The following POU6F2 variants were observed in gnomAD, a reference collection of about 807,000 sequenced individuals.
POU6F2 encodes the protein POU class 6 homeobox 2.
Under a neutral mutation model 71.3 loss-of-function variants are expected in POU6F2, and 31 were observed. The ratio of observed to expected loss-of-function variants is 0.43; its 90% CI spans 0.33 to 0.59. POU6F2 has a LOEUF of 0.59. Among genes scored for constraint, POU6F2 ranks in the 20% least tolerant of loss-of-function variants. The pLI is 0.04. For synonymous variants in POU6F2, 347 were observed against 355.7 expected, an observed-to-expected ratio of 0.98 and a Z score of 0.27; for missense variants, 783 against 856.8, an observed-to-expected ratio of 0.91 and a Z score of 1.07.
intron 5 of POU6F2, among the ~76,000 whole-genome samples, chr7:39,378,372 T>C (rs1371651220): frequency 6.6e-6 from 1 of 152,182 alleles, no homozygotes; most frequent in Non-Finnish European, 1.5e-5. Context: ...CATGCTCCCC[T>C]GAATCCCCTC....
intron 5 of POU6F2, among the ~76,000 whole-genome samples, chr7:39,391,741 A>G (rs1787080103): frequency 1.3e-5 from 2 of 152,218 alleles, no homozygotes; most frequent in African/African-American, 2.4e-5. Context: ...CAAAACTGCT[A>G]TGCCAGTTCT....
intron 4 of POU6F2, among the ~76,000 whole-genome samples, chr7:39,240,525 A>G (rs550970216): frequency 2.0e-5 from 3 of 152,144 alleles, no homozygotes; most frequent in African/African-American, 4.8e-5. Context: ...AAGGCCAGAA[A>G]CCAGTTCCTA....
intron 4 of POU6F2, among the ~76,000 whole-genome samples, chr7:39,255,758 G>A (rs1412162137): frequency 1.3e-5 from 2 of 152,166 alleles, no homozygotes; most frequent in East Asian, 1.9e-4. Context: ...CTGAAGCTGA[G>A]GGCCTTCTGG....
At chr7:39,097,658 A>G (rs1216903429) in intron 2 of POU6F2, among the ~76,000 whole-genome samples, 1 of 152,218 alleles carries the variant, frequency 6.6e-6, no homozygotes, top group Non-Finnish European at 1.5e-5. Context: ...GATCCATTCA[A>G]TAAATGTTTG....
Position 39,157,080 on chromosome 7 carries a change from C to A in POU6F2, c.278-47155C>A, listed in dbSNP as rs1792885169. Among the ~76,000 whole-genome samples the A allele has an allele frequency of 2.6e-5, 4 of 152,276 alleles. No individual in the cohort carries two copies. The South Asian group carries it at 8.3e-4, about 32-fold the overall frequency. ...TGTAATCTGTGAATATTGTGTTTTA[C>A]AGCCTGTAAATTAGATATAGAATTG... On this transcript the variant is annotated intron_variant, in intron 2 of 9. Transcript: ENST00000518318.
At chr7:39,293,285 C>T (rs1784795730) in intron 4 of POU6F2, among the ~76,000 whole-genome samples, 1 of 152,034 alleles carries the variant, frequency 6.6e-6, no homozygotes, top group Admixed American at 6.5e-5. Flanking sequence ...GAGGTGTTTC[C>T]GGGCTGTGTG....
At chr7:39,262,066 G>T (rs2128754733) in intron 4 of POU6F2, among the ~76,000 whole-genome samples, 1 of 152,268 alleles carries the variant, frequency 6.6e-6, no homozygotes, top group African/African-American at 2.4e-5. Context: ...AAAAAAAGTT[G>T]CTCAATGGTG....
intron 1 of POU6F2, among the ~76,000 whole-genome samples, chr7:38,985,427 C>A (rs1482372288): frequency 1.3e-5 from 2 of 151,894 alleles, no homozygotes; most frequent in Admixed American, 6.6e-5. Flanking sequence ...CAATTTTATC[C>A]ATTAAAAAAA....
At chr7:39,441,242 TC>T (rs1221798125) in intron 7 of POU6F2, among the ~76,000 whole-genome samples, 1 of 151,722 alleles carries the variant, frequency 6.6e-6, no homozygotes, top group Admixed American at 6.6e-5. Flanking sequence ...TTTTTTTTTT[TC>T]AAGAAAATAA....
chr7:39,401,608 AC>A (rs1209151714), intron 5 of POU6F2, among the ~76,000 whole-genome samples: 2 of 152,230 alleles, frequency 1.3e-5, no homozygotes, highest in Non-Finnish European at 2.9e-5. Context: ...ACTTTTTCAT[AC>A]ACATAGGAAA....
At chr7:39,339,300 T>A (rs1319471513) in intron 4 of POU6F2, among the ~76,000 whole-genome samples, 1 of 152,192 alleles carries the variant, frequency 6.6e-6, no homozygotes, top group East Asian at 1.9e-4. Context: ...TCTTGAAGCA[T>A]GAATGTATTT....
chr7:38,986,328 T>G (rs1788463005), intron 1 of POU6F2, among the ~76,000 whole-genome samples: 1 of 152,112 alleles, frequency 6.6e-6, no homozygotes, highest in Non-Finnish European at 1.5e-5. Context: ...TGAGTAGTAC[T>G]TTGCAGCTGT....
intron 2 of POU6F2, among the ~76,000 whole-genome samples, chr7:39,115,220 A>G (rs1791905371): frequency 1.3e-5 from 2 of 152,204 alleles, no homozygotes; most frequent in Admixed American, 6.5e-5. Flanking sequence ...TCTCTCTTCC[A>G]GTGATTGTGT....
chr7:39,378,329 C>T (rs551560610), intron 5 of POU6F2, among the ~76,000 whole-genome samples: 33 of 152,186 alleles, frequency 2.2e-4, no homozygotes, highest in Non-Finnish European at 4.4e-4. Context: ...TCTTGAGGCT[C>T]CAGCACTGAC....
chr7:39,027,121 A>G (rs886463286), intron 1 of POU6F2, among the ~76,000 whole-genome samples: 26 of 152,210 alleles, frequency 1.7e-4, no homozygotes, highest in Non-Finnish European at 3.7e-4. Flanking sequence ...AGCCCAGAAA[A>G]CAATATAAGT....
intron 5 of POU6F2, chr7:39,404,759 C>T (rs1454319911): frequency 6.6e-6 from 1 of 151,666 alleles, no homozygotes; most frequent in Non-Finnish European, 1.5e-5. Flanking sequence ...AGTTCGGAGA[C>T]AGTATTTCCC....
chr7:39,399,410 C>CTT (rs1787248693), intron 5 of POU6F2, among the ~76,000 whole-genome samples: 1 of 152,258 alleles, frequency 6.6e-6, no homozygotes. Flanking sequence ...ATTACCCACA[C>CTT]TTCTGTCCGA....
intron 1 of POU6F2, among the ~76,000 whole-genome samples, chr7:39,021,019 TAACTC>T (rs1789669740): frequency 6.6e-6 from 1 of 151,926 alleles, no homozygotes; most frequent in African/African-American, 2.4e-5. Flanking sequence ...TTTCTTCTCT[TAACTC>T]AATTTTGGAT....
At chr7:39,309,488 G>A (rs1056041287) in intron 4 of POU6F2, among the ~76,000 whole-genome samples, 3 of 152,168 alleles carry the variant, frequency 2.0e-5, no homozygotes, top group Non-Finnish European at 4.4e-5. Flanking sequence ...TGGGACAGCC[G>A]ATCCCCATGG....
Sources: allele counts gnomAD v4.1 joint callset (sites outside exome capture counted in the v4.1 genomes callset), GRCh38; gene constraint gnomAD v4.1.1; transcripts MANE v1.5; gene names NCBI Gene and HGNC (gene_info 2026-07-23, HGNC 2026-07-21).